The following LYPLAL1 variants were observed in gnomAD, a reference collection of about 807,000 sequenced individuals.
LYPLAL1 encodes the protein lysophospholipase like 1, also known as lysophospholipase-like protein 1.
Under a neutral mutation model 19.7 loss-of-function variants are expected in LYPLAL1, and 23 were observed. The observed-to-expected ratio is 1.17, with a 90% confidence interval of 0.84 to 1.65. The LOEUF (loss-of-function observed/expected upper bound fraction) is 1.65, where lower values mean the gene tolerates loss of function less well. Ranked by LOEUF, LYPLAL1 falls within the 40% of genes most tolerant of loss-of-function variation. The pLI, the probability that LYPLAL1 is intolerant of heterozygous loss-of-function variation, is 0.00. For synonymous variants in LYPLAL1, 119 were observed against 96.3 expected (o/e 1.24, Z -1.38); for missense variants, 355 against 279.4 (o/e 1.27, Z -1.93).
chr1:219,242,773 C>A, the LYPLAL1 span, among the ~76,000 whole-genome samples: 3 of 151,438 alleles, frequency 2.0e-5, no homozygotes, highest in Admixed American at 6.6e-5. Context: ...GAACTAAAAT[C>A]TCAGATGATA....
the LYPLAL1 span, among the ~76,000 whole-genome samples, chr1:219,240,526 A>G: frequency 6.6e-6 from 1 of 152,168 alleles, no homozygotes; most frequent in Non-Finnish European, 1.5e-5. Context: ...CTTCCCATTT[A>G]TGGTTATTTG....
the LYPLAL1 span, among the ~76,000 whole-genome samples, chr1:219,268,374 A>G: frequency 6.6e-6 from 1 of 152,204 alleles, no homozygotes; most frequent in East Asian, 1.9e-4. Context: ...CATCAGGCAG[A>G]TGGAGTAGCT....
In LYPLAL1 at chr1:219,211,552, G is replaced by A; in HGVS notation, c.538G>A (p.Glu180Lys). 2.5e-6 allele frequency: 4 copies of A among 1,613,376 alleles called. No homozygotes were observed. The highest frequency in any genetic ancestry group is 3.4e-6 in the Non-Finnish European group (4 of 1,179,530). Reference protein sequence around the residue: ...ELFQCHGTADELVLHSWAEET... With the variant: ...ELFQCHGTADKLVLHSWAEET... ...ATTTCAGTGTCATGGTACTGCAGAT[G>A]AGTTAGTTCTTCATTCTTGGGCAGA... The change falls in exon 5 of 5, where the codon GAG becomes AAG. Residue 180 changes from glutamate to lysine, a missense_variant. Transcript: ENST00000366928.
chr1:219,258,014 T>C, the LYPLAL1 span, among the ~76,000 whole-genome samples: 1 of 152,010 alleles, frequency 6.6e-6, no homozygotes, highest in Non-Finnish European at 1.5e-5. Context: ...GTGATATCTC[T>C]CATACTTACA....
At chr1:219,296,975 C>A in the LYPLAL1 span, among the ~76,000 whole-genome samples, 1 of 152,190 alleles carries the variant, frequency 6.6e-6, no homozygotes, top group Non-Finnish European at 1.5e-5. Flanking sequence ...AACAGGCAGA[C>A]ACTAGACGTG....
chr1:219,350,109 T>A, the LYPLAL1 span, among the ~76,000 whole-genome samples: 1 of 152,216 alleles, frequency 6.6e-6, no homozygotes, highest in African/African-American at 2.4e-5. Flanking sequence ...TTCAAATTAA[T>A]TTGTGTGGAT....
the LYPLAL1 span, among the ~76,000 whole-genome samples, chr1:219,259,592 C>T: frequency 1.3e-3 from 196 of 151,370 alleles, 1 homozygote; most frequent in African/African-American, 4.5e-3. Context: ...CTAAGCTACA[C>T]GGACACAAAG....
intron 3 of LYPLAL1, among the ~76,000 whole-genome samples, chr1:219,201,589 A>G (rs2125091445): frequency 6.6e-6 from 1 of 152,080 alleles, no homozygotes; most frequent in Admixed American, 6.5e-5. Flanking sequence ...TATATAATAT[A>G]CCAAATTAAA....
the LYPLAL1 span, among the ~76,000 whole-genome samples, chr1:219,368,178 A>G: frequency 6.6e-6 from 1 of 152,138 alleles, no homozygotes; most frequent in Non-Finnish European, 1.5e-5. Context: ...AGTGACTTGG[A>G]ATGCATAATT....
chr1:219,210,281 T>G (rs1345704608), intron 3 of LYPLAL1: 1 of 224,594 alleles, frequency 4.5e-6, no homozygotes, highest in Non-Finnish European at 8.6e-6. Flanking sequence ...TTTTACTTGG[T>G]GAACATGATA....
the LYPLAL1 span, among the ~76,000 whole-genome samples, chr1:219,391,387 A>G: frequency 1.9e-4 from 29 of 152,162 alleles, no homozygotes; most frequent in Non-Finnish European, 3.7e-4. Context: ...AAGTTAAAAT[A>G]CAGACTGTTG....
the LYPLAL1 span, among the ~76,000 whole-genome samples, chr1:219,257,566 A>G: frequency 4.6e-5 from 7 of 152,166 alleles, no homozygotes; most frequent in South Asian, 1.0e-3. Flanking sequence ...CCGCAAAACC[A>G]GCAAGTTTTT....
At chr1:219,279,122 G>T in the LYPLAL1 span, among the ~76,000 whole-genome samples, 1 of 152,062 alleles carries the variant, frequency 6.6e-6, no homozygotes, top group South Asian at 2.1e-4. Context: ...AGCATGAAGG[G>T]CTCGTGCGTT....
At chr1:219,425,247 C>A in the LYPLAL1 span, among the ~76,000 whole-genome samples, 2 of 152,124 alleles carry the variant, frequency 1.3e-5, no homozygotes, top group African/African-American at 4.8e-5. Context: ...GGCTCTACCT[C>A]TAATAACATC....
the LYPLAL1 span, among the ~76,000 whole-genome samples, chr1:219,241,134 C>CTCTCTCTCTATATA: frequency 5.9e-4 from 26 of 44,354 alleles, no homozygotes; most frequent in Admixed American, 2.5e-3. Flanking sequence ...CTCTCTCTCT[C>CTCTCTCTCTATATA]TATATATATA....
chr1:219,331,177 G>A, the LYPLAL1 span, among the ~76,000 whole-genome samples: 3 of 152,100 alleles, frequency 2.0e-5, no homozygotes, highest in Non-Finnish European at 2.9e-5. Context: ...TCAGGCATTG[G>A]CTAGGTGGTT....
At chr1:219,435,458 A>T in the LYPLAL1 span, 4 of 152,220 alleles carry the variant, frequency 2.6e-5, no homozygotes, top group Admixed American at 2.6e-4. Flanking sequence ...GAAAGTTGTT[A>T]TTAGCCTGCA....
the LYPLAL1 span, among the ~76,000 whole-genome samples, chr1:219,297,305 A>C: frequency 6.6e-6 from 1 of 152,220 alleles, no homozygotes; most frequent in Non-Finnish European, 1.5e-5. Flanking sequence ...TTTTGGTCCA[A>C]CTTTTAAATA....
At chr1:219,385,821 T>C in the LYPLAL1 span, among the ~76,000 whole-genome samples, 1 of 152,094 alleles carries the variant, frequency 6.6e-6, no homozygotes, top group Non-Finnish European at 1.5e-5. Flanking sequence ...TTACATACAG[T>C]TGGGAAAAGA....
Sources: gnomAD v4.1 joint callset for allele counts (sites outside exome capture counted in the v4.1 genomes callset) on GRCh38, gnomAD v4.1.1 for gene constraint, MANE v1.5 for transcripts, NCBI Gene and HGNC (gene_info 2026-07-23, HGNC 2026-07-21) for gene names.